KLF12: variants seen among roughly 807,000 people sequenced by gnomAD.
KLF12 encodes the protein KLF transcription factor 12.
A neutral mutation model predicts 37.8 loss-of-function variants in KLF12; 9 were observed. That is an observed-to-expected ratio of 0.24 (90% CI 0.14 to 0.42). The LOEUF (loss-of-function observed/expected upper bound fraction) is 0.42, where lower values mean the gene tolerates loss of function less well. Among genes scored for constraint, KLF12 ranks in the 10% least tolerant of loss-of-function variants. The pLI is 1.00. For synonymous variants in KLF12, 208 were observed against 202.1 expected, an observed-to-expected ratio of 1.03 and a Z score of -0.25; for missense variants, 411 against 516.0, an observed-to-expected ratio of 0.80 and a Z score of 1.97.
chr13:73,846,221 G>T lies in KLF12; in HGVS notation c.276C>A (p.Ser92=). 1 of 1,614,134 alleles carries T rather than the reference G, an allele frequency of 6.2e-7. No individual in the cohort carries two copies. The highest frequency in any genetic ancestry group is 1.1e-5 in the South Asian group (1 of 91,078). ...CTGGGGAGGATGAAACGGCAGTAGG[G>T]GACGTCCTGGCTTTGTTTATTGACA... The change falls in exon 4 of 8, where the codon TCC becomes TCA. Residue 92 remains serine (S), a synonymous_variant. Coordinates refer to ENST00000377669, the MANE Select transcript of KLF12 (RefSeq NM_007249.5).
At chr13:73,778,956 A>T (rs74600892) in intron 5 of KLF12, among the ~76,000 whole-genome samples, 58 of 152,362 alleles carry the variant, frequency 3.8e-4, no homozygotes, top group Non-Finnish European at 6.5e-4. Context: ...CATATTTACC[A>T]AACAGTGGTG....
chr13:74,132,736 T>C (rs1211355616), intron 1 of KLF12, among the ~76,000 whole-genome samples: 1 of 152,150 alleles, frequency 6.6e-6, no homozygotes, highest in Admixed American at 6.5e-5. Context: ...CTGCAGGGCA[T>C]ATAACAAAGG....
chr13:74,221,938 A>G, the KLF12 span, among the ~76,000 whole-genome samples: 1 of 152,192 alleles, frequency 6.6e-6, no homozygotes, highest in Non-Finnish European at 1.5e-5. Context: ...TTCATAGGTC[A>G]TTTATGTGGC....
chr13:73,968,071 T>C (rs948071662), intron 2 of KLF12, among the ~76,000 whole-genome samples: 3 of 152,168 alleles, frequency 2.0e-5, no homozygotes, highest in Admixed American at 2.0e-4. Context: ...GAAGTCAATT[T>C]AGGTTATTAT....
intron 1 of KLF12, among the ~76,000 whole-genome samples, chr13:74,071,615 C>A (rs1416800463): frequency 6.6e-6 from 1 of 152,146 alleles, no homozygotes; most frequent in Non-Finnish European, 1.5e-5. Context: ...ATGGCGTGAA[C>A]TCGGGAGGCG....
At chr13:74,031,963 T>C (rs902310542) in intron 1 of KLF12, among the ~76,000 whole-genome samples, 2 of 152,168 alleles carry the variant, frequency 1.3e-5, no homozygotes, top group African/African-American at 2.4e-5. Context: ...GGAATTATTA[T>C]AAGAGAAATT....
chr13:74,010,939 C>T (rs1215938844), intron 1 of KLF12, among the ~76,000 whole-genome samples: 1 of 152,098 alleles, frequency 6.6e-6, no homozygotes, highest in Admixed American at 6.5e-5. Flanking sequence ...TCTGAAAATC[C>T]ATCATCCAGC....
intron 1 of KLF12, among the ~76,000 whole-genome samples, chr13:73,997,731 T>C (rs1419323277): frequency 1.3e-5 from 2 of 152,232 alleles, no homozygotes; most frequent in Non-Finnish European, 2.9e-5. Context: ...AGTGGCCTCA[T>C]CAAAATGCTC....
chr13:74,292,454 T>C, the KLF12 span, among the ~76,000 whole-genome samples: 1 of 139,992 alleles, frequency 7.1e-6, no homozygotes, highest in Admixed American at 6.9e-5. Context: ...TTCTTTTTCT[T>C]TTTTTTTTTT....
At chr13:73,771,994 A>G (rs940448628) in intron 5 of KLF12, among the ~76,000 whole-genome samples, 2 of 152,164 alleles carry the variant, frequency 1.3e-5, no homozygotes, top group African/African-American at 4.8e-5. Context: ...CAGAGGGGAG[A>G]GATTCTTGCA....
intron 1 of KLF12, among the ~76,000 whole-genome samples, chr13:74,086,265 C>G (rs1413310298): frequency 1.6e-5 from 2 of 123,482 alleles, no homozygotes; most frequent in African/African-American, 5.9e-5. Flanking sequence ...GCTATCCCTC[C>G]CCCTCCCCCC....
the KLF12 span, among the ~76,000 whole-genome samples, chr13:74,141,478 C>T: frequency 3.7e-4 from 56 of 152,140 alleles, no homozygotes; most frequent in Middle Eastern, 3.2e-3. Context: ...CCATAGCTTT[C>T]ATCTACAAAC....
intron 4 of KLF12, among the ~76,000 whole-genome samples, chr13:73,821,527 C>T (rs909669539): frequency 3.9e-5 from 6 of 152,196 alleles, no homozygotes; most frequent in Non-Finnish European, 7.3e-5. Context: ...AGTGCTCTTG[C>T]TTTTACCCAA....
At chr13:73,944,125 C>T (rs1366110836) in intron 2 of KLF12, 55 bp from the exon 3 acceptor site, 3 of 1,085,092 alleles carry the variant, frequency 2.8e-6, no homozygotes, top group Non-Finnish European at 2.8e-6. Flanking sequence ...AAAAGAGGAC[C>T]TCTGGGAGAG....
the KLF12 span, among the ~76,000 whole-genome samples, chr13:74,203,724 T>G: frequency 6.6e-6 from 1 of 152,056 alleles, no homozygotes; most frequent in Non-Finnish European, 1.5e-5. Context: ...AAGAAATTAA[T>G]TATGTCAGGG....
At chr13:74,034,542 T>G (rs942543839) in intron 1 of KLF12, among the ~76,000 whole-genome samples, 5 of 152,228 alleles carry the variant, frequency 3.3e-5, no homozygotes, top group African/African-American at 1.2e-4. Context: ...GACAAAACTT[T>G]TATTATAAAA....
chr13:74,135,567 G>A (rs1413193351), upstream of KLF12, among the ~76,000 whole-genome samples: 2 of 151,284 alleles, frequency 1.3e-5, no homozygotes, highest in Non-Finnish European at 3.0e-5. Flanking sequence ...GTCGGCGGGG[G>A]CGGGGAGCAG....
At chr13:74,159,978 T>G in the KLF12 span, among the ~76,000 whole-genome samples, 1 of 136,510 alleles carries the variant, frequency 7.3e-6, no homozygotes, top group African/African-American at 2.8e-5. Context: ...CTCCAGCCTG[T>G]GTGACAGAGG....
At chr13:73,710,983 A>C (rs1007216086) in intron 7 of KLF12, among the ~76,000 whole-genome samples, 1 of 152,218 alleles carries the variant, frequency 6.6e-6, no homozygotes, top group Non-Finnish European at 1.5e-5. Context: ...AATGATAAGA[A>C]AGCAAAACAG....
Sources: gnomAD v4.1 joint callset for allele counts (sites outside exome capture counted in the v4.1 genomes callset) on GRCh38, gnomAD v4.1.1 for gene constraint, MANE v1.5 for transcripts, NCBI Gene and HGNC (gene_info 2026-07-23, HGNC 2026-07-21) for gene names.